Variants in CNTNAP4 observed in about 807,000 individuals in gnomAD.
CNTNAP4 encodes the protein contactin-associated protein-like 4.
CNTNAP4 carries 98 observed loss-of-function variants against 148.4 expected under a neutral mutation model. The observed-to-expected ratio is 0.66, with a 90% CI of 0.56 to 0.78. The LOEUF is 0.78. Among genes scored for constraint, CNTNAP4 ranks in the 30% least tolerant of loss-of-function variants. The probability of loss-of-function intolerance (pLI) is 0.00; values close to 1 mark genes in which losing one functional copy is unlikely to be tolerated. For missense variants in CNTNAP4, 1,935 were observed against 1,565.6 expected (o/e 1.24, Z -3.98); for synonymous variants, 730 against 565.1 (o/e 1.29, Z -4.14).
At chr16:76,461,792 C>G (rs1413968420) in intron 8 of CNTNAP4, among the ~76,000 whole-genome samples, 164 bp from the exon 9 acceptor site, 1 of 152,136 alleles carries the variant, frequency 6.6e-6, no homozygotes, top group Non-Finnish European at 1.5e-5. Flanking sequence ...ATAGAGGATG[C>G]TCATTTCCAA....
intron 8 of CNTNAP4, among the ~76,000 whole-genome samples, chr16:76,459,947 A>G (rs2080875318): frequency 1.3e-5 from 2 of 152,214 alleles, no homozygotes; most frequent in African/African-American, 4.8e-5. Context: ...TGCTTTTTAG[A>G]GGTGATAAGA....
intron 3 of CNTNAP4, among the ~76,000 whole-genome samples, chr16:76,372,087 C>G (rs963234727): frequency 2.0e-5 from 3 of 151,194 alleles, no homozygotes; most frequent in African/African-American, 7.3e-5. Context: ...TATTTTTGTT[C>G]TATTTCATTC....
intron 1 of CNTNAP4, among the ~76,000 whole-genome samples, chr16:76,296,959 C>A (rs1959373777): frequency 6.6e-6 from 1 of 152,280 alleles, no homozygotes. Flanking sequence ...GCAACTGTTA[C>A]ATTTTTAAAA....
At chr16:76,557,018 T>C (rs972920335) in intron 23 of CNTNAP4, among the ~76,000 whole-genome samples, 1 of 152,202 alleles carries the variant, frequency 6.6e-6, no homozygotes, top group Non-Finnish European at 1.5e-5. Context: ...TGCTTTAGAA[T>C]GGAGTCTTAG....
intron 21 of CNTNAP4, among the ~76,000 whole-genome samples, 161 bp downstream of exon 21, chr16:76,540,951 G>C (rs1038006252): frequency 2.6e-5 from 4 of 152,120 alleles, no homozygotes; most frequent in Non-Finnish European, 5.9e-5. Flanking sequence ...GGCATATGCA[G>C]GCATGAGTAG....
chr16:76,342,130 T>C (rs1223012059), intron 2 of CNTNAP4, among the ~76,000 whole-genome samples: 2 of 152,168 alleles, frequency 1.3e-5, no homozygotes, highest in Non-Finnish European at 2.9e-5. Flanking sequence ...AAATCAGAAA[T>C]TCATTATGGA....
At chr16:76,293,001 A>G (rs1411603094) in intron 1 of CNTNAP4, among the ~76,000 whole-genome samples, 1 of 152,218 alleles carries the variant, frequency 6.6e-6, no homozygotes, top group African/African-American at 2.4e-5. Context: ...CAAAAAAGAA[A>G]AATATCAGAG....
Position 76,540,757 on chromosome 16 carries a change from G to A in CNTNAP4, c.3409G>A (p.Ala1137Thr). The change falls in exon 21 of 24, where the codon GCA becomes ACA. Residue 1137 changes from alanine (A) to threonine (T), a missense_variant. Transcript: ENST00000611870. ...VHLSSGTEFS[A>T]VKSLVLGRIL... is the part of the protein sequence containing the mutation. ...CCTGTCATCAGGCACAGAATTCAGT[G>A]CAGTCAAATCTCTGGTATTGGGCAG... The A allele has an allele frequency of 6.3e-7, 1 of 1,576,550 alleles. No individual in the cohort carries two copies. Among genetic ancestry groups the A allele is most frequent in the African/African-American group, 1.3e-5 (1 of 74,356 alleles).
At chr16:76,367,372 C>G (rs1446724249) in intron 3 of CNTNAP4, among the ~76,000 whole-genome samples, 1 of 151,838 alleles carries the variant, frequency 6.6e-6, no homozygotes, top group Non-Finnish European at 1.5e-5. Flanking sequence ...GCCTGTCTTT[C>G]TAGGCAAAGG....
intron 10 of CNTNAP4, among the ~76,000 whole-genome samples, chr16:76,470,909 T>C (rs142761195): frequency 3.2e-4 from 48 of 152,152 alleles, no homozygotes; most frequent in Middle Eastern, 3.4e-3. Context: ...ATTCATATGC[T>C]CATTCACATA....
At chr16:76,481,930 G>C (rs1177546862) in intron 12 of CNTNAP4, among the ~76,000 whole-genome samples, 1 of 151,944 alleles carries the variant, frequency 6.6e-6, no homozygotes, top group African/African-American at 2.4e-5. Flanking sequence ...GAAGAGTATG[G>C]GCTTCATGAC....
chr16:76,345,028 A>G (rs907979166), intron 2 of CNTNAP4, among the ~76,000 whole-genome samples: 2 of 152,182 alleles, frequency 1.3e-5, no homozygotes, highest in Non-Finnish European at 2.9e-5. Context: ...AACACTGGAT[A>G]TTTATTGATA....
chr16:76,368,993 T>G (rs2014480722), intron 3 of CNTNAP4, among the ~76,000 whole-genome samples: 1 of 151,836 alleles, frequency 6.6e-6, no homozygotes, highest in Non-Finnish European at 1.5e-5. Context: ...TATGAAACTT[T>G]CTAAAAAACA....
chr16:76,514,160 G>A (rs903112527), intron 15 of CNTNAP4, among the ~76,000 whole-genome samples: 4 of 152,234 alleles, frequency 2.6e-5, no homozygotes, highest in South Asian at 4.1e-4. Context: ...AGGCTCTCTC[G>A]TCTGATGCCC....
chr16:76,540,882 C>A, intron 21 of CNTNAP4, 92 bp downstream of exon 21: 2 of 804,426 alleles, frequency 2.5e-6, no homozygotes, highest in South Asian at 1.6e-5. Context: ...CCCACTTCGT[C>A]ATGGCAAAGG....
chr16:76,376,609 G>C (rs915100783), intron 3 of CNTNAP4, among the ~76,000 whole-genome samples: 1 of 152,198 alleles, frequency 6.6e-6, no homozygotes, highest in Non-Finnish European at 1.5e-5. Context: ...CCCAGCGTTG[G>C]CCAAAGGGCA....
chr16:76,386,207 A>T (rs147533121), intron 3 of CNTNAP4, among the ~76,000 whole-genome samples: 16 of 152,342 alleles, frequency 1.1e-4, no homozygotes, highest in African/African-American at 3.6e-4. Context: ...ATAATGAGAA[A>T]GAACTGTAAT....
chr16:76,475,507 A>G (rs2081540369), intron 10 of CNTNAP4, among the ~76,000 whole-genome samples: 1 of 152,180 alleles, frequency 6.6e-6, no homozygotes, highest in South Asian at 2.1e-4. Context: ...ACATTCCTAG[A>G]AGTATACCTC....
intron 3 of CNTNAP4, among the ~76,000 whole-genome samples, chr16:76,377,077 T>A (rs1387924976): frequency 6.6e-6 from 1 of 152,052 alleles, no homozygotes; most frequent in African/African-American, 2.4e-5. Context: ...GGCTTAGGAC[T>A]CAGGGCAGAG....
Sources: gnomAD v4.1 joint callset for allele counts (sites outside exome capture counted in the v4.1 genomes callset) on GRCh38, gnomAD v4.1.1 for gene constraint, MANE v1.5 for transcripts, NCBI Gene and HGNC (gene_info 2026-07-23, HGNC 2026-07-21) for gene names.